The following C10orf67 variants were observed in gnomAD, a reference collection of about 807,000 sequenced individuals.
The protein encoded by C10orf67 is chromosome 10 open reading frame 67, also known as uncharacterized protein C10orf67, mitochondrial.
Under a neutral mutation model 35.6 loss-of-function variants are expected in C10orf67, and 60 were observed. The observed-to-expected ratio is 1.68, with a 90% CI of 1.37 to 2.09. The LOEUF (loss-of-function observed/expected upper bound fraction) is 2.09, where lower values mean the gene tolerates loss of function less well. Ranked by LOEUF, C10orf67 falls within the 30% of genes most tolerant of loss-of-function variation. C10orf67 has a pLI of 0.00. For missense variants in C10orf67, 474 were observed against 330.2 expected, an observed-to-expected ratio of 1.44 and a Z score of -3.38; for synonymous variants, 167 against 115.8, an observed-to-expected ratio of 1.44 and a Z score of -2.84.
intron 4 of C10orf67, among the ~76,000 whole-genome samples, chr10:23,306,632 G>A (rs1844296154): frequency 6.6e-6 from 1 of 151,824 alleles, no homozygotes; most frequent in Non-Finnish European, 1.5e-5. Flanking sequence ...GTCATAAGAT[G>A]AATAAGTTCT....
chr10:23,239,020 T>G (rs1842112382), intron 13 of C10orf67, among the ~76,000 whole-genome samples: 1 of 152,084 alleles, frequency 6.6e-6, no homozygotes, highest in Non-Finnish European at 1.5e-5. Context: ...GATTTTAGAT[T>G]GTATGCCTCT....
chr10:23,283,185 T>C (rs1843419328), intron 7 of C10orf67, among the ~76,000 whole-genome samples: 1 of 152,164 alleles, frequency 6.6e-6, no homozygotes. Context: ...TGTAAATATA[T>C]ACACCTACTA....
rs997240159 is a variant in C10orf67 at position 23,318,550 on chromosome 10, G to A, written c.546+2191C>T. 3.4e-5 allele frequency: 8 copies of A among 233,302 alleles called. No homozygotes were observed. In the South Asian group the frequency reaches 7.6e-4, roughly 22 times the overall value. The allele number at this position is 233,302 out of a possible 1,614,324, so 14.5% of individuals were successfully genotyped here. A position where few individuals can be genotyped will look rare whatever the true frequency, so the allele number is the denominator to read the frequency against. ...CTGTGTTTATCAGCAAGTCACTAAG[G>A]GCAGCCCTGATTCAAGGGAGGGGAA... On this transcript the variant is annotated intron_variant, in intron 4 of 15. Coordinates refer to ENST00000636213, the MANE Select transcript of C10orf67 (RefSeq NM_001371909.1).
intron 8 of C10orf67, among the ~76,000 whole-genome samples, chr10:23,275,086 G>C (rs1008622950): frequency 9.2e-5 from 14 of 152,106 alleles, no homozygotes; most frequent in African/African-American, 3.1e-4. Context: ...TCCTATAATT[G>C]TAGGGGAGAG....
At chr10:23,301,919 C>T (rs541536531) in intron 5 of C10orf67, among the ~76,000 whole-genome samples, 12 of 152,328 alleles carry the variant, frequency 7.9e-5, no homozygotes, top group African/African-American at 2.4e-4. Context: ...TTAGCCTGAT[C>T]GGGAGCGGCA....
chr10:23,239,625 G>T, intron 13 of C10orf67, 104 bp downstream of exon 13: 1 of 538,732 alleles, frequency 1.9e-6, no homozygotes, highest in South Asian at 3.1e-5. Flanking sequence ...ACTATCTCTA[G>T]AGCCTGTAAT....
intron 4 of C10orf67, among the ~76,000 whole-genome samples, chr10:23,311,016 G>GCC: frequency 6.6e-6 from 1 of 151,884 alleles, no homozygotes; most frequent in East Asian, 1.9e-4. Context: ...ACCCAGGCTG[G>GCC]AGTACAGTGG....
chr10:23,344,182 A>C, intron 1 of C10orf67: 1 of 118,496 alleles, frequency 8.4e-6, no homozygotes, highest in Admixed American at 9.6e-5. Flanking sequence ...GGGAAGGGGG[A>C]AGGAGATGGG....
At chr10:23,276,451 G>C (rs1212779687) in intron 8 of C10orf67, among the ~76,000 whole-genome samples, 1 of 152,076 alleles carries the variant, frequency 6.6e-6, no homozygotes, top group African/African-American at 2.4e-5. Context: ...AGCTCCCATT[G>C]TCATATAGTG....
intron 4 of C10orf67, among the ~76,000 whole-genome samples, chr10:23,315,747 A>T (rs1055145314): frequency 1.3e-5 from 2 of 152,178 alleles, no homozygotes; most frequent in African/African-American, 4.8e-5. Flanking sequence ...GCATGTTTTT[A>T]AAAACCACGA....
At chr10:23,212,558 G>C (rs369067845) in intron 15 of C10orf67, among the ~76,000 whole-genome samples, 1 of 152,068 alleles carries the variant, frequency 6.6e-6, no homozygotes, top group East Asian at 1.9e-4. Flanking sequence ...TTTTAACCTG[G>C]GCTATGGCTT....
intron 13 of C10orf67, among the ~76,000 whole-genome samples, chr10:23,238,698 G>A (rs868416511): frequency 6.6e-6 from 1 of 152,036 alleles, no homozygotes; most frequent in African/African-American, 2.4e-5. Context: ...TTTATTTGCC[G>A]AACTGATTAA....
At chr10:23,300,475 C>T (rs913320117) in intron 5 of C10orf67, among the ~76,000 whole-genome samples, 14 of 152,072 alleles carry the variant, frequency 9.2e-5, no homozygotes, top group East Asian at 1.9e-4. Flanking sequence ...AGTTTTTCTC[C>T]GGGCCTAAGG....
intron 8 of C10orf67, among the ~76,000 whole-genome samples, chr10:23,279,714 C>A (rs933404983): frequency 1.3e-5 from 2 of 151,974 alleles, no homozygotes; most frequent in Admixed American, 6.6e-5. Context: ...TGGGAAGATA[C>A]AAAATTATTT....
At chr10:23,335,812 A>G (rs1336159443) in intron 1 of C10orf67, among the ~76,000 whole-genome samples, 1 of 152,172 alleles carries the variant, frequency 6.6e-6, no homozygotes, top group Admixed American at 6.5e-5. Context: ...ACTCCATGTA[A>G]CTTACTCATG....
At chr10:23,311,258 T>C (rs1844482055) in intron 4 of C10orf67, among the ~76,000 whole-genome samples, 1 of 152,220 alleles carries the variant, frequency 6.6e-6, no homozygotes, top group Non-Finnish European at 1.5e-5. Flanking sequence ...CCCTTTAGTT[T>C]AAATCCCAGC....
At chr10:23,234,915 G>A (rs1842004718) in intron 13 of C10orf67, among the ~76,000 whole-genome samples, 1 of 150,846 alleles carries the variant, frequency 6.6e-6, no homozygotes, top group South Asian at 2.1e-4. Context: ...GGGAGGCTGA[G>A]GCAGGAGAAT....
At position 23,330,739 on chromosome 10, in the gene C10orf67, C is replaced by CAAAA. The variant is rs10681378; in HGVS notation, c.327+2319_327+2322dup. On this transcript the variant is annotated intron_variant, in intron 2 of 15. Transcript: ENST00000636213. Reference sequence around the variant, plus strand: ...TGGGCGACAGAGCAAGACTCTGTCTCAAAAAAAAAAAAAATCAAAATAACA... The same window carrying CAAAA: ...TGGGCGACAGAGCAAGACTCTGTCTCAAAAAAAAAAAAAAAAAATCAAAATAACA... 2.4e-4 allele frequency among the ~76,000 whole-genome samples: 33 copies of CAAAA among 135,840 alleles called. No homozygotes were observed. The South Asian group carries it at 5.0e-3, about 21-fold the overall frequency. The allele number at this position is 135,840 out of a possible 152,430, so 89.1% of individuals were successfully genotyped here.
intron 4 of C10orf67, among the ~76,000 whole-genome samples, chr10:23,314,068 A>T (rs536304298): frequency 3.3e-5 from 5 of 152,276 alleles, no homozygotes; most frequent in Admixed American, 3.3e-4. Flanking sequence ...CACGCCTATA[A>T]TCTCAGCGAT....
Sources: allele counts gnomAD v4.1 joint callset (sites outside exome capture counted in the v4.1 genomes callset), GRCh38; gene constraint gnomAD v4.1.1; transcripts MANE v1.5; gene names NCBI Gene and HGNC (gene_info 2026-07-23, HGNC 2026-07-21).